The following CHMP1B variants were observed in gnomAD, a reference collection of about 807,000 sequenced individuals.
The protein encoded by CHMP1B is VPS46 homolog B.
Under a neutral mutation model 11.5 loss-of-function variants are expected in CHMP1B, and 5 were observed. The ratio of observed to expected loss-of-function variants is 0.43; its 90% CI spans 0.23 to 0.91. The LOEUF is 0.91. Ranked by LOEUF, CHMP1B falls within the 40% of genes least tolerant of loss-of-function variation. The pLI is 0.25. For synonymous variants in CHMP1B, 105 were observed against 105.7 expected, an observed-to-expected ratio of 0.99 and a Z score of 0.04; for missense variants, 246 against 261.2, an observed-to-expected ratio of 0.94 and a Z score of 0.40.
rs968700609 is a variant in CHMP1B, at chr18:11,852,455, T to C, written c.*344T>C. 3.8e-5 allele frequency: 10 copies of C among 260,476 alleles called. No homozygotes were observed. Among genetic ancestry groups the C allele is most frequent in the African/African-American group, 2.2e-4 (10 of 44,622 alleles). The allele number at this position is 260,476 out of a possible 1,614,324, so 16.1% of individuals were successfully genotyped here. A position where few individuals can be genotyped will look rare whatever the true frequency, so the allele number is the denominator to read the frequency against. On this transcript the variant is annotated 3_prime_UTR_variant, in exon 1 of 1. Coordinates refer to ENST00000526991, the MANE Select transcript of CHMP1B (RefSeq NM_020412.5). ...CAGATTGAAGGTGGTTGGTTTTTAT[T>C]ATTATTTAGTGTGATTGATAGTATC...
rs1356988045 is a variant in CHMP1B at position 11,852,685 on chromosome 18, G to A, written c.*574G>A. Reference sequence around the variant, plus strand: ...CATAACGTATATTATTAATAAATGTGGTCCTATAATTTATACTGAAATTAC... The same window carrying A: ...CATAACGTATATTATTAATAAATGTAGTCCTATAATTTATACTGAAATTAC... On this transcript the variant is annotated 3_prime_UTR_variant, in exon 1 of 1. Transcript: ENST00000526991. The A allele has an allele frequency of 6.1e-6, 1 of 164,098 alleles. No homozygotes were observed. The highest frequency in any genetic ancestry group is 6.6e-5 in the Admixed American group (1 of 15,082). 10.2% of individuals were successfully genotyped at this position (164,098 alleles called of 1,614,324 possible).
chr18:11,851,836 G>A lies in CHMP1B; in HGVS notation c.325G>A (p.Glu109Lys). Residue 109 changes from glutamate (E) to lysine (K), a missense_variant, in exon 1 of 1, where the codon GAG becomes AAG. Glu to Lys is a moderately conservative substitution (Grantham distance 56, BLOSUM62 1). Coordinates refer to ENST00000526991, the MANE Select transcript of CHMP1B (RefSeq NM_020412.5). The stretch of plus-strand genomic sequence containing the variant: ...TGCGACATTGAAGACCATGAATCTG[G>A]AGAAGATTTCTGCTTTGATGGACAA... ...MDATLKTMNL[E>K]KISALMDKFE... The A allele has an allele frequency of 1.2e-6, 2 of 1,613,984 alleles. No homozygotes were observed. Among genetic ancestry groups the A allele is most frequent in the Non-Finnish European group, 8.5e-7 (1 of 1,179,906 alleles).
rs1256462232 is a variant in CHMP1B, at chr18:11,851,993, G to A, written c.482G>A (p.Gly161Asp). The A allele has an allele frequency of 6.2e-7, 1 of 1,613,666 alleles. No individual in the cohort carries two copies. Among genetic ancestry groups the A allele is most frequent in the Non-Finnish European group, 8.5e-7 (1 of 1,179,862 alleles). Reference sequence around the variant, plus strand: ...CTCCAGGAAATGGCAGATGAGGCGGGCCTCGACCTCAACATGGAGCTGCCG... The same window carrying A: ...CTCCAGGAAATGGCAGATGAGGCGGACCTCGACCTCAACATGGAGCTGCCG... ...MLLQEMADEAGLDLNMELPQG... is the reference protein window; with the variant it reads ...MLLQEMADEADLDLNMELPQG... Residue 161 changes from glycine to aspartate, a missense_variant, in exon 1 of 1, where the codon GGC (glycine) becomes GAC (aspartate). Coordinates refer to ENST00000526991, the MANE Select transcript of CHMP1B (RefSeq NM_020412.5).
Position 11,852,811 on chromosome 18 carries a change from C to T in CHMP1B, c.*700C>T, listed in dbSNP as rs1187367728. On this transcript the variant is annotated 3_prime_UTR_variant, in exon 1 of 1. Coordinates refer to ENST00000526991, the MANE Select transcript of CHMP1B (RefSeq NM_020412.5). ...AACTGGGAAAAATGCCGAATAACTT[C>T]CTTTATTATCTGGAAAAATTAAATT... 6.0e-6 allele frequency: 1 copy of T among 167,012 alleles called. No individual in the cohort carries two copies. The highest frequency in any genetic ancestry group is 1.9e-4 in the East Asian group (1 of 5,190). 10.3% of individuals were successfully genotyped at this position (167,012 alleles called of 1,614,324 possible).
chr18:11,852,197 C>T lies in CHMP1B; in HGVS notation c.*86C>T. 7.0e-7 allele frequency: 1 copy of T among 1,425,816 alleles called. No homozygotes were observed. Among genetic ancestry groups the T allele is most frequent in the Non-Finnish European group, 9.3e-7 (1 of 1,074,516 alleles). The allele number at this position is 1,425,816 out of a possible 1,614,324, so 88.3% of individuals were successfully genotyped here. A position where few individuals can be genotyped will look rare whatever the true frequency, so the allele number is the denominator to read the frequency against. On this transcript the variant is annotated 3_prime_UTR_variant, in exon 1 of 1. Transcript: ENST00000526991. Reference sequence around the variant, plus strand: ...TTAGAGAGATACTATACCCTAGAAACTCTGAACACGCCAGAATGCTGAAAT... The same window carrying T: ...TTAGAGAGATACTATACCCTAGAAATTCTGAACACGCCAGAATGCTGAAAT...
chr18:11,852,024 C>A lies in CHMP1B; in HGVS notation c.513C>A (p.Gly171=). 1 of 1,613,778 alleles carries A rather than the reference C, an allele frequency of 6.2e-7. No individual in the cohort carries two copies. ...ACCTCAACATGGAGCTGCCGCAGGG[C>A]CAGACCGGCTCCGTGGGCACGAGCG... ...GLDLNMELPQ[G]QTGSVGTSVA... is the part of the protein sequence containing the mutation. Residue 171 remains glycine (G), a synonymous_variant, in exon 1 of 1, where the codon GGC becomes GGA. Transcript: ENST00000526991.
chr18:11,852,088 G>T lies in CHMP1B; in HGVS notation c.577G>T (p.Ala193Ser). ...AEQDELSQRL[A>S]RLRDQV is the part of the protein sequence containing the mutation. ...GCAGGATGAACTGTCTCAGAGACTG[G>T]CCCGCCTTCGGGATCAAGTGTGACG... The change falls in exon 1 of 1, where the codon GCC becomes TCC. Residue 193 changes from alanine (A) to serine (S), a missense_variant. Physicochemically the swap from Ala to Ser is moderately conservative, Grantham distance 99. Coordinates refer to ENST00000526991, the MANE Select transcript of CHMP1B (RefSeq NM_020412.5). 1.2e-6 allele frequency: 2 copies of T among 1,605,472 alleles called. No homozygotes were observed. The highest frequency in any genetic ancestry group is 1.7e-6 in the Non-Finnish European group (2 of 1,175,736).
In CHMP1B at chr18:11,852,613, GTTTT is replaced by G. The variant is rs59761845; in HGVS notation, c.*513_*516del. The stretch of plus-strand genomic sequence containing the variant: ...GTTTATCCTTTGGGTTTTGGTTTTT[GTTTT>G]TTTTTTTTTTGCCTTCACAGTGAGA... On this transcript the variant is annotated 3_prime_UTR_variant, in exon 1 of 1. Coordinates refer to ENST00000526991, the MANE Select transcript of CHMP1B (RefSeq NM_020412.5). 482 of 152,662 alleles carry G rather than the reference GTTTT, an allele frequency of 3.2e-3. 3 individuals carry two copies. Among genetic ancestry groups the G allele is most frequent in the African/African-American group, 0.011 (417 of 38,990 alleles). The allele number at this position is 152,662 out of a possible 1,614,324, so 9.5% of individuals were successfully genotyped here. A position where few individuals can be genotyped will look rare whatever the true frequency, so the allele number is the denominator to read the frequency against.
rs368198752 is a variant in CHMP1B, at chr18:11,852,471, T to G, written c.*360T>G. ...GGTTTTTATTATTATTTAGTGTGATTGATAGTATCTAGAATGGCAGGTGGT... is the reference window on the plus strand; with the variant it reads ...GGTTTTTATTATTATTTAGTGTGATGGATAGTATCTAGAATGGCAGGTGGT... On this transcript the variant is annotated 3_prime_UTR_variant, in exon 1 of 1. Transcript: ENST00000526991. 1.4e-3 allele frequency: 329 copies of G among 234,120 alleles called. 12 individuals carry two copies. In the South Asian group the frequency reaches 0.024, roughly 17 times the overall value. The allele number at this position is 234,120 out of a possible 1,614,324, so 14.5% of individuals were successfully genotyped here. A position where few individuals can be genotyped will look rare whatever the true frequency, so the allele number is the denominator to read the frequency against.
Position 11,851,637 on chromosome 18 carries a change from G to C in CHMP1B, c.126G>C (p.Lys42Asn). ...EKAKIKKAIQ[K>N]GNMEVARIHA... Reference sequence around the variant, plus strand: ...CCAAAATTAAAAAGGCCATTCAGAAGGGCAACATGGAAGTTGCGAGGATAC... The same window carrying C: ...CCAAAATTAAAAAGGCCATTCAGAACGGCAACATGGAAGTTGCGAGGATAC... The change falls in exon 1 of 1, where the codon AAG becomes AAC. Residue 42 changes from lysine (K) to asparagine (N), a missense_variant. Physicochemically the swap from Lys to Asn is moderately conservative, Grantham distance 94. Transcript: ENST00000526991. 1 of 1,614,016 alleles carries C rather than the reference G, an allele frequency of 6.2e-7. No homozygotes were observed. The highest frequency in any genetic ancestry group is 8.5e-7 in the Non-Finnish European group (1 of 1,179,896).
rs2035910538 is a variant in CHMP1B, at chr18:11,852,748, C to T, written c.*637C>T. 6.0e-6 allele frequency: 1 copy of T among 166,546 alleles called. No individual in the cohort carries two copies. The highest frequency in any genetic ancestry group is 2.1e-4 in the South Asian group (1 of 4,832). The allele number at this position is 166,546 out of a possible 1,614,324, so 10.3% of individuals were successfully genotyped here. The stretch of plus-strand genomic sequence containing the variant: ...TTGCATAATACTCTCTTACTGCTTA[C>T]ATTCTATAAATTTTTCACGTGATAA... On this transcript the variant is annotated 3_prime_UTR_variant, in exon 1 of 1. Coordinates refer to ENST00000526991, the MANE Select transcript of CHMP1B (RefSeq NM_020412.5).
In CHMP1B at chr18:11,852,051, G is replaced by T. The variant is rs141531709; in HGVS notation, c.540G>T (p.Val180=). The T allele has an allele frequency of 9.9e-5, 159 of 1,613,592 alleles. No homozygotes were observed. In the African/African-American group the frequency reaches 1.1e-3, roughly 11 times the overall value. ...AGACCGGCTCCGTGGGCACGAGCGT[G>T]GCTTCGGCGGAGCAGGATGAACTGT... ...QGQTGSVGTS[V]ASAEQDELSQ... The change falls in exon 1 of 1, where the codon GTG becomes GTT. Residue 180 remains valine (V), a synonymous_variant. Transcript: ENST00000526991.
chr18:11,854,000 T>A lies in CHMP1B; in HGVS notation c.*1889T>A, dbSNP rs2035944376. On this transcript the variant is annotated 3_prime_UTR_variant, in exon 1 of 1. Coordinates refer to ENST00000526991, the MANE Select transcript of CHMP1B (RefSeq NM_020412.5). The stretch of plus-strand genomic sequence containing the variant: ...ACCATGCCCAGCTAGTTTTTTTGTA[T>A]TTTTAGTAGAGACAGGGTTTCACTA... 1 of 165,548 alleles carries A rather than the reference T, an allele frequency of 6.0e-6. No homozygotes were observed. The highest frequency in any genetic ancestry group is 1.5e-5 in the Non-Finnish European group (1 of 68,118). The allele number at this position is 165,548 out of a possible 1,614,324, so 10.3% of individuals were successfully genotyped here.
rs368781162 is a variant in CHMP1B at position 11,851,593 on chromosome 18, G to A, written c.82G>A (p.Glu28Lys). 4.3e-5 allele frequency: 70 copies of A among 1,613,348 alleles called. No individual in the cohort carries two copies. Among genetic ancestry groups the A allele is most frequent in the Non-Finnish European group, 5.8e-5 (69 of 1,179,620 alleles). ...TAGGAGTGCCAAAAAATGCGATAAGGAGGAAAAGGCCGAAAAGGCCAAAAT... is the reference window on the plus strand; with the variant it reads ...TAGGAGTGCCAAAAAATGCGATAAGAAGGAAAAGGCCGAAAAGGCCAAAAT... ...LSRSAKKCDK[E>K]EKAEKAKIKK... Residue 28 changes from glutamate to lysine, a missense_variant, in exon 1 of 1, where the codon GAG (glutamate) becomes AAG (lysine). Glu to Lys is a moderately conservative substitution (Grantham distance 56). Transcript: ENST00000526991.
In CHMP1B at chr18:11,852,200, T is replaced by C; in HGVS notation, c.*89T>C. 1 of 1,421,390 alleles carries C rather than the reference T, an allele frequency of 7.0e-7. No homozygotes were observed. The highest frequency in any genetic ancestry group is 9.3e-7 in the Non-Finnish European group (1 of 1,071,138). 88.0% of individuals were successfully genotyped at this position (1,421,390 alleles called of 1,614,324 possible). A position where few individuals can be genotyped will look rare whatever the true frequency, so the allele number is the denominator to read the frequency against. On this transcript the variant is annotated 3_prime_UTR_variant, in exon 1 of 1. Coordinates refer to ENST00000526991, the MANE Select transcript of CHMP1B (RefSeq NM_020412.5). ...GAGAGATACTATACCCTAGAAACTC[T>C]GAACACGCCAGAATGCTGAAATGCC...
Position 11,852,151 on chromosome 18 carries a change from C to A in CHMP1B, c.*40C>A. The A allele has an allele frequency of 6.6e-7, 1 of 1,520,278 alleles. No homozygotes were observed. The highest frequency in any genetic ancestry group is 1.3e-5 in the South Asian group (1 of 78,040). 94.2% of individuals were successfully genotyped at this position (1,520,278 alleles called of 1,614,324 possible). A position where few individuals can be genotyped will look rare whatever the true frequency, so the allele number is the denominator to read the frequency against. On this transcript the variant is annotated 3_prime_UTR_variant, in exon 1 of 1. Transcript: ENST00000526991. ...CTGAGGTTTCCTGGCCATAGCCACCCTTTGAAATGCTCTCTGTGTGTTAGA... is the reference window on the plus strand; with the variant it reads ...CTGAGGTTTCCTGGCCATAGCCACCATTTGAAATGCTCTCTGTGTGTTAGA...
In CHMP1B at chr18:11,851,424, A is replaced by T. The variant is rs999629322; in HGVS notation, c.-88A>T. ...ACAGGAAGTGGGACCAAAACAAAGG[A>T]GCGGCGGCCGGGAGCGGACTTACCT... On this transcript the variant is annotated 5_prime_UTR_variant, in exon 1 of 1. Transcript: ENST00000526991. The T allele has an allele frequency of 7.1e-7, 1 of 1,415,174 alleles. No individual in the cohort carries two copies. The highest frequency in any genetic ancestry group is 1.4e-5 in the African/African-American group (1 of 69,210). 87.7% of individuals were successfully genotyped at this position (1,415,174 alleles called of 1,614,324 possible). A position where few individuals can be genotyped will look rare whatever the true frequency, so the allele number is the denominator to read the frequency against.
At position 11,851,595 on chromosome 18, in the gene CHMP1B, G is replaced by C. The variant is rs1567892083; in HGVS notation, c.84G>C (p.Glu28Asp). 6.2e-7 allele frequency: 1 copy of C among 1,613,498 alleles called. No homozygotes were observed. Among genetic ancestry groups the C allele is most frequent in the South Asian group, 1.1e-5 (1 of 91,056 alleles). The part of the protein sequence containing the change: ...LSRSAKKCDK[E>D]EKAEKAKIKK... ...GGAGTGCCAAAAAATGCGATAAGGA[G>C]GAAAAGGCCGAAAAGGCCAAAATTA... Residue 28 changes from glutamate (E) to aspartate (D), a missense_variant, in exon 1 of 1, where the codon GAG (glutamate) becomes GAC (aspartate). Coordinates refer to ENST00000526991, the MANE Select transcript of CHMP1B (RefSeq NM_020412.5).
In CHMP1B at chr18:11,851,937, C is replaced by A; in HGVS notation, c.426C>A (p.Leu142=). Residue 142 remains leucine, a synonymous_variant, in exon 1 of 1, where the codon CTC becomes CTA. Coordinates refer to ENST00000526991, the MANE Select transcript of CHMP1B (RefSeq NM_020412.5). ...ACACGATGAGCAGCACGACGACGCT[C>A]ACCACTCCCCAGAACCAAGTGGATA... ...MEDTMSSTTT[L]TTPQNQVDML... 1 of 1,613,950 alleles carries A rather than the reference C, an allele frequency of 6.2e-7. No individual in the cohort carries two copies. Among genetic ancestry groups the A allele is most frequent in the Non-Finnish European group, 8.5e-7 (1 of 1,179,896 alleles).
Sources: gnomAD v4.1 joint callset for allele counts on GRCh38, gnomAD v4.1.1 for gene constraint, MANE v1.5 for transcripts, NCBI Gene and HGNC (gene_info 2026-07-23, HGNC 2026-07-21) for gene names.